Variants in PCDHGB2 observed in about 807,000 individuals in gnomAD.
PCDHGB2 encodes protocadherin gamma subfamily B, 2.
Under a neutral mutation model 59.3 loss-of-function variants are expected in PCDHGB2, and 55 were observed. The ratio of observed to expected loss-of-function variants is 0.93; its 90% CI spans 0.75 to 1.16. The LOEUF (loss-of-function observed/expected upper bound fraction) is 1.16, where lower values mean the gene tolerates loss of function less well. PCDHGB2 is among the 50% of genes most tolerant of loss of function. The probability of loss-of-function intolerance (pLI) is 0.00; values close to 1 mark genes in which losing one functional copy is unlikely to be tolerated. For synonymous variants in PCDHGB2, 516 were observed against 512.0 expected (o/e 1.01, Z -0.11); for missense variants, 1,228 against 1,198.5 (o/e 1.02, Z -0.36).
At position 141,485,325 on chromosome 5, in the gene PCDHGB2, A is replaced by T; in HGVS notation, c.2422-9482A>T. 6.2e-7 allele frequency: 1 copy of T among 1,614,078 alleles called. No homozygotes were observed. Among genetic ancestry groups the T allele is most frequent in the Non-Finnish European group, 8.5e-7 (1 of 1,180,014 alleles). ...ACTTTTGTAGGGAATGTCGCTCAAG[A>T]TTTCCTGCTGGATACGGACAGTCTG... is the stretch of plus-strand genomic sequence containing the variant. On this transcript the variant is annotated intron_variant, in intron 1 of 3. Coordinates refer to ENST00000522605, the MANE Select transcript of PCDHGB2 (RefSeq NM_018923.3). This position sits in a 1 kb window ranked among gnomAD's most constrained non-coding sequence, Gnocchi z 5.7.
intron 1 of PCDHGB2, chr5:141,410,296 A>G (rs1424650333): frequency 6.2e-7 from 1 of 1,613,774 alleles, no homozygotes; most frequent in Admixed American, 1.7e-5. Flanking sequence ...CCTTGGCCTT[A>G]ATCTCAGTGC....
chr5:141,418,819 A>T (rs1285247926), intron 1 of PCDHGB2: 1 of 1,613,868 alleles, frequency 6.2e-7, no homozygotes, highest in African/African-American at 1.3e-5. Context: ...TAAACATAGA[A>T]GCAAAAGACC....
chr5:141,482,470 C>T (rs768383368), intron 1 of PCDHGB2, among the ~76,000 whole-genome samples: 8 of 137,876 alleles, frequency 5.8e-5, no homozygotes, highest in Non-Finnish European at 1.2e-4. Flanking sequence ...ATGTGCCAGA[C>T]ACTGTAAACA....
Position 141,393,720 on chromosome 5 carries a change from A to T in PCDHGB2, c.2421+31164A>T, listed in dbSNP as rs371093729. ...TAATGAAAATACTGGGGAAATATCA[A>T]TAGCAAAAAGTCTAGATTATGAAGA... On this transcript the variant is annotated intron_variant, in intron 1 of 3. Transcript: ENST00000522605. 5.0e-6 allele frequency: 8 copies of T among 1,613,888 alleles called. No homozygotes were observed. The South Asian group carries it at 8.8e-5, about 18-fold the overall frequency.
At chr5:141,430,925 C>G (rs1313621122) in intron 1 of PCDHGB2, 2 of 1,607,162 alleles carry the variant, frequency 1.2e-6, no homozygotes, top group Non-Finnish European at 8.5e-7. Context: ...GGGGCTGGAG[C>G]CCCGGGAGCT....
intron 1 of PCDHGB2, among the ~76,000 whole-genome samples, chr5:141,436,604 G>A (rs2097836057): frequency 6.6e-6 from 1 of 152,146 alleles, no homozygotes; most frequent in Admixed American, 6.5e-5. Context: ...GTGATGGCTA[G>A]GGCTAACAAA....
chr5:141,484,709 C>G (rs1223957454), intron 1 of PCDHGB2, among the ~76,000 whole-genome samples: 1 of 151,072 alleles, frequency 6.6e-6, no homozygotes, highest in Non-Finnish European at 1.5e-5. Context: ...TTTTCCCCGC[C>G]GAAAAGGGGC....
chr5:141,502,098 G>T (rs1341016516), intron 2 of PCDHGB2, among the ~76,000 whole-genome samples: 2 of 152,108 alleles, frequency 1.3e-5, no homozygotes, highest in Non-Finnish European at 2.9e-5. Flanking sequence ...ACCTGGCCTT[G>T]ACCCTGCACC....
chr5:141,448,803 G>A (rs2098607666), intron 1 of PCDHGB2, among the ~76,000 whole-genome samples: 2 of 152,020 alleles, frequency 1.3e-5, no homozygotes, highest in South Asian at 4.1e-4. Flanking sequence ...AAATTAGCCA[G>A]GCGTGATGGC....
chr5:141,436,555 G>A (rs562422182), intron 1 of PCDHGB2, among the ~76,000 whole-genome samples: 1 of 152,252 alleles, frequency 6.6e-6, no homozygotes, highest in South Asian at 2.1e-4. Flanking sequence ...TTGAGCTTCA[G>A]CAAAGTAGGA....
chr5:141,394,120 C>G, intron 1 of PCDHGB2: 3 of 1,613,954 alleles, frequency 1.9e-6, no homozygotes, highest in Non-Finnish European at 1.7e-6. Context: ...TCCACTGAAA[C>G]TCAAATCGCT....
At chr5:141,365,650 G>T in intron 1 of PCDHGB2, 1 of 1,613,414 alleles carries the variant, frequency 6.2e-7, no homozygotes, top group South Asian at 1.1e-5. Context: ...ACATCCCCTT[G>T]AAAGTAGCAG....
chr5:141,375,612 A>AC (rs1771652841), intron 1 of PCDHGB2: 1 of 1,614,014 alleles, frequency 6.2e-7, no homozygotes. Flanking sequence ...ATCAACTCCG[A>AC]CACTGGGATT....
intron 1 of PCDHGB2, chr5:141,405,119 C>A: frequency 1.2e-6 from 2 of 1,614,024 alleles, no homozygotes; most frequent in South Asian, 1.1e-5. Context: ...GCACTCCTCG[C>A]ATCTGCTGCG....
intron 1 of PCDHGB2, chr5:141,400,091 C>A: frequency 6.2e-7 from 1 of 1,614,072 alleles, no homozygotes; most frequent in Non-Finnish European, 8.5e-7. Context: ...GCCACCGCCA[C>A]GCTGCACTTG....
In PCDHGB2 at chr5:141,491,925, G is replaced by A. The variant is rs1019181943; in HGVS notation, c.2422-2882G>A. 5 of 1,325,176 alleles carry A rather than the reference G, an allele frequency of 3.8e-6. No homozygotes were observed. In the Admixed American group the frequency reaches 1.5e-4, roughly 39 times the overall value. 82.1% of individuals were successfully genotyped at this position (1,325,176 alleles called of 1,614,324 possible). A position where few individuals can be genotyped will look rare whatever the true frequency, so the allele number is the denominator to read the frequency against. On this transcript the variant is annotated intron_variant, in intron 1 of 3. Coordinates refer to ENST00000522605, the MANE Select transcript of PCDHGB2 (RefSeq NM_018923.3). The surrounding 1 kb of genome is among the most constrained non-coding windows in gnomAD (Gnocchi z 6.9). ...GGGTGGTGGCGACTGTGGGCGAGGG[G>A]AGGTGGGACCGACCCCCACCCCTAC...
intron 1 of PCDHGB2, chr5:141,395,542 TTGTG>T (rs55729045): frequency 0.22 from 37,255 of 170,042 alleles, 4,387 homozygotes; most frequent in East Asian, 0.36. Flanking sequence ...TTGCTATTGT[TTGTG>T]TGTGTGTGTG....
intron 2 of PCDHGB2, among the ~76,000 whole-genome samples, chr5:141,496,733 C>A (rs1221912777): frequency 6.6e-6 from 1 of 152,138 alleles, no homozygotes; most frequent in Non-Finnish European, 1.5e-5. Context: ...TGTATTCATT[C>A]GTTCATTTAT....
chr5:141,509,577 C>G (rs569743928), intron 3 of PCDHGB2, among the ~76,000 whole-genome samples: 2 of 152,320 alleles, frequency 1.3e-5, no homozygotes, highest in African/African-American at 2.4e-5. Context: ...ACAGTGCGTA[C>G]AAATCAGCTG....
Sources: allele counts gnomAD v4.1 joint callset (sites outside exome capture counted in the v4.1 genomes callset), GRCh38; gene constraint gnomAD v4.1.1; non-coding constraint Gnocchi (gnomAD v3.1); transcripts MANE v1.5; gene names NCBI Gene and HGNC (gene_info 2026-07-23, HGNC 2026-07-21).